Variants in KNDC1 observed in about 807,000 individuals in gnomAD.
KNDC1 encodes the protein kinase non-catalytic C-lobe domain containing 1.
Under a neutral mutation model 172.8 loss-of-function variants are expected in KNDC1, and 106 were observed. That is an observed-to-expected ratio of 0.61 (90% CI 0.52 to 0.72). The LOEUF (loss-of-function observed/expected upper bound fraction) is 0.72. Ranked by LOEUF, KNDC1 falls within the 30% of genes least tolerant of loss-of-function variation. The probability of loss-of-function intolerance (pLI) is 0.00; values close to 1 mark genes in which losing one functional copy is unlikely to be tolerated. For synonymous variants in KNDC1, 1,083 were observed against 1,062.2 expected (o/e 1.02, Z -0.38); for missense variants, 2,325 against 2,394.5 (o/e 0.97, Z 0.61).
rs149431129 is a variant in KNDC1, at chr10:133,161,335, G to A, written c.102+766G>A. Among the ~76,000 whole-genome samples the A allele has an allele frequency of 9.0e-3, 1,369 of 152,338 alleles. 28 individuals are homozygous for A. The highest frequency in any genetic ancestry group is 8.7e-3 in the Non-Finnish European group (591 of 68,024). On this transcript the variant is annotated intron_variant, in intron 1 of 29. Transcript: ENST00000304613. ...GATCTGCCAAACCTCCAACAGGCAA[G>A]AGCCCAGACGCTGGGCGCCTGCGTC...
Position 133,213,687 on chromosome 10 carries a change from C to T in KNDC1, c.4486C>T (p.Arg1496Trp), listed in dbSNP as rs144614673. ...CCACCCGGTCCACTTCCTGAACTCA[C>T]GGGCCCTGGGCGTCATGGACAAGAG... is the stretch of plus-strand genomic sequence containing the variant. ...KCHPVHFLNS[R>W]ALGVMDKSTA... The change falls in exon 25 of 30, where the codon CGG becomes TGG. Residue 1496 changes from arginine (R) to tryptophan (W), a missense_variant. Arg to Trp is a moderately radical substitution (Grantham distance 101). Coordinates refer to ENST00000304613, the MANE Select transcript of KNDC1 (RefSeq NM_152643.8). 29 of 1,613,916 alleles carry T rather than the reference C, an allele frequency of 1.8e-5. No individual in the cohort carries two copies. Among genetic ancestry groups the T allele is most frequent in the Non-Finnish European group, 2.5e-5 (29 of 1,179,952 alleles).
chr10:133,168,251 A>G lies in KNDC1; in HGVS notation c.302-3A>G. ...TTCTCTCCTTCTCTCTCTCCTCCCC[A>G]AGACGACCCTGAGGGTGCCTTCGTT... On this transcript the variant is annotated splice_polypyrimidine_tract_variant and splice_region_variant and intron_variant, in intron 2 of 29. Coordinates refer to ENST00000304613, the MANE Select transcript of KNDC1 (RefSeq NM_152643.8). 2 of 1,613,934 alleles carry G rather than the reference A, an allele frequency of 1.2e-6. No individual in the cohort carries two copies. The highest frequency in any genetic ancestry group is 1.7e-6 in the Non-Finnish European group (2 of 1,179,912).
At chr10:133,219,171 AC>A in intron 28 of KNDC1, 81 bp downstream of exon 28, 1 of 1,488,522 alleles carries the variant, frequency 6.7e-7, no homozygotes, top group Non-Finnish European at 9.2e-7. Context: ...AGCCTGCCGC[AC>A]CCAGACGCAG....
chr10:133,212,280 T>A (rs1476932885), intron 23 of KNDC1, among the ~76,000 whole-genome samples: 1 of 149,244 alleles, frequency 6.7e-6, no homozygotes, highest in East Asian at 2.0e-4. Flanking sequence ...CGCACACGCA[T>A]CCACACACAC....
chr10:133,202,522 C>A, intron 17 of KNDC1: 1 of 433,084 alleles, frequency 2.3e-6, no homozygotes. Context: ...TTCTCGAGAG[C>A]CCCGGGACTC....
chr10:133,164,463 T>C (rs1447383853), intron 1 of KNDC1, among the ~76,000 whole-genome samples: 2 of 152,166 alleles, frequency 1.3e-5, no homozygotes, highest in African/African-American at 2.4e-5. Flanking sequence ...TCGTGGGTGC[T>C]GGGCAGACAG....
chr10:133,177,207 AGTG>A (rs1853561916), intron 3 of KNDC1, among the ~76,000 whole-genome samples: 1 of 149,972 alleles, frequency 6.7e-6, no homozygotes, highest in African/African-American at 2.4e-5. Context: ...TATGTAGTAT[AGTG>A]TGTGTGTGCA....
At chr10:133,190,968 G>A (rs1854058091) in intron 9 of KNDC1, among the ~76,000 whole-genome samples, 2 of 152,150 alleles carry the variant, frequency 1.3e-5, no homozygotes, top group African/African-American at 4.8e-5. Flanking sequence ...GAAAATCGCT[G>A]GGAAAGTGCT....
At chr10:133,172,967 C>T (rs1853421606) in intron 3 of KNDC1, among the ~76,000 whole-genome samples, 1 of 152,218 alleles carries the variant, frequency 6.6e-6, no homozygotes, top group South Asian at 2.1e-4. Context: ...TACCCCACTG[C>T]ACTCCAGCCT....
In KNDC1 at chr10:133,198,469, T is replaced by C; in HGVS notation, c.2039T>C (p.Ile680Thr). ...FTSEATHFKP[I>T]VLAQNASVAR... is the part of the protein sequence containing the mutation. Reference sequence around the variant, plus strand: ...TCCGAGGCCACGCACTTCAAGCCCATTGTCCTCGCGCAGAACGCAAGTGTG... The same window carrying C: ...TCCGAGGCCACGCACTTCAAGCCCACTGTCCTCGCGCAGAACGCAAGTGTG... Residue 680 changes from isoleucine (I) to threonine (T), a missense_variant, in exon 13 of 30, where the codon ATT becomes ACT. Physicochemically the swap from Ile to Thr is moderately conservative, Grantham distance 89. Coordinates refer to ENST00000304613, the MANE Select transcript of KNDC1 (RefSeq NM_152643.8). 1.9e-6 allele frequency: 3 copies of C among 1,607,264 alleles called. No individual in the cohort carries two copies. Among genetic ancestry groups the C allele is most frequent in the East Asian group, 2.2e-5 (1 of 44,682 alleles).
Position 133,197,082 on chromosome 10 carries a change from C to A in KNDC1, c.1759C>A (p.Arg587=), listed in dbSNP as rs200611534. The A allele has an allele frequency of 1.2e-6, 2 of 1,613,022 alleles. No homozygotes were observed. The highest frequency in any genetic ancestry group is 1.7e-6 in the Non-Finnish European group (2 of 1,179,808). Residue 587 remains arginine, a synonymous_variant, in exon 11 of 30, where the codon CGA becomes AGA. Transcript: ENST00000304613. ...GGTGTGCGGCAGCTACCTCCTCCAG[C>A]GAGGCATGGACAGCCGGAAAATCCT... ...IKVCGSYLLQ[R]GMDSRKILAH... is the part of the protein sequence containing the mutation.
chr10:133,185,405 AGTGTGTGCAGT>A (rs1853866365), intron 5 of KNDC1, among the ~76,000 whole-genome samples: 3 of 142,214 alleles, frequency 2.1e-5, no homozygotes, highest in Non-Finnish European at 3.1e-5. Context: ...TGGAGTAGGC[AGTGTGTGCAGT>A]GTGGAGTAGG....
chr10:133,224,924 G>A lies in KNDC1; in HGVS notation c.*34G>A, dbSNP rs373338946. 49 of 1,542,342 alleles carry A rather than the reference G, an allele frequency of 3.2e-5. No homozygotes were observed. The Middle Eastern group carries it at 8.4e-4, about 27-fold the overall frequency. ...GGGCCTGGTGTGGAATTCCAGATCC[G>A]AATCCGACTGTGGGGGGCGGGCTGG... On this transcript the variant is annotated 3_prime_UTR_variant, in exon 30 of 30. Transcript: ENST00000304613. The surrounding 1 kb of genome is among the most constrained non-coding windows in gnomAD (Gnocchi z 5.4).
At chr10:133,165,269 C>T (rs1472696060) in intron 1 of KNDC1, among the ~76,000 whole-genome samples, 1 of 152,192 alleles carries the variant, frequency 6.6e-6, no homozygotes, top group Non-Finnish European at 1.5e-5. Context: ...TCCAGGTGTC[C>T]GGCTTCCCTG....
chr10:133,204,552 C>T (rs1420807486), intron 17 of KNDC1, among the ~76,000 whole-genome samples: 2 of 152,216 alleles, frequency 1.3e-5, no homozygotes, highest in South Asian at 2.1e-4. Context: ...TCCGTGGCAC[C>T]GCCACGGCCG....
At chr10:133,169,201 C>A (rs939949476) in intron 3 of KNDC1, among the ~76,000 whole-genome samples, 7 of 152,228 alleles carry the variant, frequency 4.6e-5, no homozygotes, top group Non-Finnish European at 7.3e-5. Flanking sequence ...TGGCTCACTC[C>A]TGTAATCCCA....
chr10:133,163,173 A>G lies in KNDC1; in HGVS notation c.102+2604A>G, dbSNP rs1853031556. Among the ~76,000 whole-genome samples, 2 of 152,190 alleles carry G rather than the reference A, an allele frequency of 1.3e-5. No individual in the cohort carries two copies. The highest frequency in any genetic ancestry group is 4.1e-4 in the South Asian group (2 of 4,830). ...CAGTCCAGGCGGCTGGAGTCGATGG[A>G]TGGGCAATGCTGGCTGCCCCATGGG... On this transcript the variant is annotated intron_variant, in intron 1 of 29. Coordinates refer to ENST00000304613, the MANE Select transcript of KNDC1 (RefSeq NM_152643.8). The surrounding 1 kb of genome is among the most constrained non-coding windows in gnomAD (Gnocchi z 4.4).
intron 5 of KNDC1, among the ~76,000 whole-genome samples, chr10:133,184,901 G>A (rs1025574704): frequency 3.9e-5 from 6 of 152,284 alleles, no homozygotes; most frequent in Admixed American, 2.0e-4. Context: ...CCCACCAGGA[G>A]CGCCAGGTGG....
At chr10:133,188,726 CACACCCCCGCCGTCCCACCCCCCA>C (rs1853993998) in intron 7 of KNDC1, 73 bp downstream of exon 7, 1 of 613,608 alleles carries the variant, frequency 1.6e-6, no homozygotes, top group African/African-American at 2.5e-5. Context: ...ACCGCCGTCC[CACACCCCCGCCGTCCCACCCCCCA>C]CACCGTCCCA....
Sources: gnomAD v4.1 joint callset for allele counts (sites outside exome capture counted in the v4.1 genomes callset) on GRCh38, gnomAD v4.1.1 for gene constraint, Gnocchi (gnomAD v3.1) non-coding constraint, MANE v1.5 for transcripts, NCBI Gene and HGNC (gene_info 2026-07-23, HGNC 2026-07-21) for gene names.